The following RUFY2 variants were observed in gnomAD, a reference collection of about 807,000 sequenced individuals.
RUFY2 encodes the protein RUN and FYVE domain containing 2, also known as RUN and FYVE domain-containing protein 2.
In RUFY2, 49 loss-of-function variants were observed where a neutral mutation model predicts 94.4. That is an observed-to-expected ratio of 0.52 (90% CI 0.41 to 0.66). The LOEUF (loss-of-function observed/expected upper bound fraction) is 0.66, where lower values mean the gene tolerates loss of function less well. Among genes scored for constraint, RUFY2 ranks in the 30% least tolerant of loss-of-function variants. The pLI, the probability that RUFY2 is intolerant of heterozygous loss-of-function variation, is 0.00. For missense variants in RUFY2, 541 were observed against 692.8 expected, an observed-to-expected ratio of 0.78 and a Z score of 2.46; for synonymous variants, 255 against 235.7, an observed-to-expected ratio of 1.08 and a Z score of -0.75.
chr10:68,372,849 A>T (rs921735930), intron 13 of RUFY2, among the ~76,000 whole-genome samples: 1 of 152,036 alleles, frequency 6.6e-6, no homozygotes, highest in Non-Finnish European at 1.5e-5. Context: ...TCAAGGCTGC[A>T]GTGAGCTGTG....
intron 7 of RUFY2, among the ~76,000 whole-genome samples, chr10:68,391,131 T>C (rs533476248): frequency 6.6e-6 from 1 of 151,620 alleles, no homozygotes; most frequent in East Asian, 1.9e-4. Context: ...AGATGGGGTT[T>C]TACCATGTTG....
chr10:68,396,810 C>T lies in RUFY2; in HGVS notation c.368G>A (p.Arg123His), dbSNP rs749869883. The change falls in exon 4 of 18, where the codon CGT becomes CAT. Residue 123 changes from arginine (R) to histidine (H), a missense_variant. Around this residue, in one of 3 missense-constraint regions of RUFY2, gnomAD observed 85 missense variants for 153.4 expected, o/e 0.55. Transcript: ENST00000602465. ...GAGATCCCTCTGAATAATTAAGCAA[C>T]GTAAGTAATCGGCCATTTTTTTTTG... is the stretch of plus-strand genomic sequence containing the variant. ...LMQKKMADYL[R>H]CLIIQRDLLS... The T allele has an allele frequency of 1.5e-5, 25 of 1,613,662 alleles. No homozygotes were observed. Among genetic ancestry groups the T allele is most frequent in the South Asian group, 1.1e-4 (10 of 91,074 alleles).
intron 16 of RUFY2, among the ~76,000 whole-genome samples, chr10:68,347,431 A>G (rs1350298400): frequency 1.3e-5 from 2 of 151,922 alleles, no homozygotes; most frequent in Non-Finnish European, 2.9e-5. Flanking sequence ...TTACAGGCAC[A>G]CGCCACCATG....
At position 68,376,992 on chromosome 10, in the gene RUFY2, CT is replaced by C; in HGVS notation, c.1206-21del. On this transcript the variant is annotated intron_variant, in intron 12 of 17. Transcript: ENST00000602465. ...TGCAATCTGGTGTAATTCAAATCAA[CT>C]TTGGGTAAAACTGAGGCTAGAACTA... 6.2e-7 allele frequency: 1 copy of C among 1,612,866 alleles called. No individual in the cohort carries two copies. The highest frequency in any genetic ancestry group is 8.5e-7 in the Non-Finnish European group (1 of 1,179,848).
At chr10:68,366,624 C>G (rs2047838600) in intron 13 of RUFY2, among the ~76,000 whole-genome samples, 1 of 148,464 alleles carries the variant, frequency 6.7e-6, no homozygotes, top group Non-Finnish European at 1.5e-5. Context: ...CACATTTAAT[C>G]CCAGCTATTC....
rs747407394 is a variant in RUFY2, at chr10:68,345,670, C to A, written c.*98G>T. On this transcript the variant is annotated 3_prime_UTR_variant, in exon 18 of 18. Coordinates refer to ENST00000602465, the MANE Select transcript of RUFY2 (RefSeq NM_001330103.2). ...AGATAAACTGGTACCAAATACTGACCGAAAGCCGCTTAAGGAGAGCTGTCT... is the reference window on the plus strand; with the variant it reads ...AGATAAACTGGTACCAAATACTGACAGAAAGCCGCTTAAGGAGAGCTGTCT... 2.7e-6 allele frequency: 3 copies of A among 1,110,130 alleles called. No individual in the cohort carries two copies. Among genetic ancestry groups the A allele is most frequent in the Non-Finnish European group, 3.9e-6 (3 of 771,344 alleles). 68.8% of individuals were successfully genotyped at this position (1,110,130 alleles called of 1,614,324 possible). A position where few individuals can be genotyped will look rare whatever the true frequency, so the allele number is the denominator to read the frequency against.
chr10:68,393,606 G>C (rs1197719972), intron 6 of RUFY2, among the ~76,000 whole-genome samples: 1 of 151,882 alleles, frequency 6.6e-6, no homozygotes, highest in African/African-American at 2.4e-5. Flanking sequence ...GCGGGTGCCT[G>C]TAATTCCAGC....
At position 68,345,394 on chromosome 10, in the gene RUFY2, G is replaced by A; in HGVS notation, c.*374C>T. 2.5e-6 allele frequency: 1 copy of A among 394,294 alleles called. No homozygotes were observed. The highest frequency in any genetic ancestry group is 1.4e-4 in the South Asian group (1 of 7,000). The allele number at this position is 394,294 out of a possible 1,614,324, so 24.4% of individuals were successfully genotyped here. A position where few individuals can be genotyped will look rare whatever the true frequency, so the allele number is the denominator to read the frequency against. On this transcript the variant is annotated 3_prime_UTR_variant, in exon 18 of 18. Transcript: ENST00000602465. The stretch of plus-strand genomic sequence containing the variant: ...TTTATGCGTTTCCAGTTTCAGAACT[G>A]TGAAGCTTTAAAGTGCATTAAGAGA...
chr10:68,366,330 CA>C (rs374353912), intron 13 of RUFY2, among the ~76,000 whole-genome samples: 413 of 55,430 alleles, frequency 7.5e-3, no homozygotes, highest in African/African-American at 0.025. Flanking sequence ...AACTCCATCT[CA>C]AAAAAAAAAA....
intron 10 of RUFY2, among the ~76,000 whole-genome samples, chr10:68,382,785 T>C (rs1564826194): frequency 6.6e-6 from 1 of 151,282 alleles, no homozygotes; most frequent in East Asian, 1.9e-4. Context: ...GATAAAAAGA[T>C]GGGCAATATT....
intron 15 of RUFY2, among the ~76,000 whole-genome samples, chr10:68,357,084 C>T (rs1425788264): frequency 1.3e-5 from 2 of 151,374 alleles, no homozygotes; most frequent in African/African-American, 2.4e-5. Context: ...GGGAGAATCA[C>T]TTGAACCGGG....
chr10:68,376,726 A>T, intron 13 of RUFY2, 127 bp downstream of exon 13: 1 of 946,622 alleles, frequency 1.1e-6, no homozygotes, highest in Non-Finnish European at 1.6e-6. Context: ...TTTGTTTTTT[A>T]AAGTAAACAC....
chr10:68,383,107 T>C (rs1017928040), intron 10 of RUFY2, among the ~76,000 whole-genome samples: 2 of 152,168 alleles, frequency 1.3e-5, no homozygotes, highest in Non-Finnish European at 1.5e-5. Context: ...GGTGGATCAC[T>C]TGAGGCCAGG....
Position 68,407,192 on chromosome 10 carries a change from C to A in RUFY2, c.-3G>T, listed in dbSNP as rs1401137859. The A allele has an allele frequency of 1.4e-6, 2 of 1,397,998 alleles. No homozygotes were observed. Among genetic ancestry groups the A allele is most frequent in the African/African-American group, 1.5e-5 (1 of 65,152 alleles). The allele number at this position is 1,397,998 out of a possible 1,614,324, so 86.6% of individuals were successfully genotyped here. On this transcript the variant is annotated 5_prime_UTR_variant, in exon 1 of 18. Transcript: ENST00000602465. ...TTCGGCCCGCTCGCCTTACCCATGG[C>A]GGCGGCGGCTGCGCGGTCTCGGGCG... is the stretch of plus-strand genomic sequence containing the variant.
At chr10:68,363,765 G>C in intron 14 of RUFY2, 81 bp from the exon 15 acceptor site, 5 of 942,262 alleles carry the variant, frequency 5.3e-6, no homozygotes, top group Non-Finnish European at 7.8e-6. Context: ...CCATTAATTA[G>C]AAACAAACAT....
downstream of RUFY2, chr10:68,341,464 T>C: frequency 1.0e-6 from 1 of 980,000 alleles, no homozygotes; most frequent in Non-Finnish European, 1.5e-6. Context: ...ATCGCTGTAC[T>C]AGTAATTAAT....
downstream of RUFY2, chr10:68,341,117 G>A: frequency 1.6e-6 from 2 of 1,239,058 alleles, no homozygotes; most frequent in Admixed American, 5.0e-5. Flanking sequence ...CAAGGTATGT[G>A]GTAATTTACT....
At chr10:68,350,535 T>G (rs1163071865) in intron 16 of RUFY2, among the ~76,000 whole-genome samples, 1 of 152,138 alleles carries the variant, frequency 6.6e-6, no homozygotes, top group Non-Finnish European at 1.5e-5. Flanking sequence ...GCAGATAATA[T>G]TCTGTTAAAG....
At chr10:68,383,395 G>A (rs2049238897) in intron 10 of RUFY2, among the ~76,000 whole-genome samples, 1 of 152,120 alleles carries the variant, frequency 6.6e-6, no homozygotes, top group African/African-American at 2.4e-5. Context: ...AAGATAGGCA[G>A]ATCACTTGAG....
Sources: allele counts gnomAD v4.1 joint callset (sites outside exome capture counted in the v4.1 genomes callset), GRCh38; gene constraint gnomAD v4.1.1; regional missense constraint gnomAD v4.1.1; transcripts MANE v1.5; gene names NCBI Gene and HGNC (gene_info 2026-07-23, HGNC 2026-07-21).